Variants in PACS2 observed in about 807,000 individuals in gnomAD.
The protein encoded by PACS2 is phosphofurin acidic cluster sorting protein 2, also known as PACS1-like protein.
A neutral mutation model predicts 113.0 loss-of-function variants in PACS2; 36 were observed. The observed-to-expected ratio is 0.32, with a 90% CI of 0.24 to 0.42. PACS2 has a LOEUF of 0.42. Ranked by LOEUF, PACS2 falls within the 10% of genes least tolerant of loss-of-function variation. The pLI, the probability that PACS2 is intolerant of heterozygous loss-of-function variation, is 1.00. For synonymous variants in PACS2, 589 were observed against 536.1 expected, an observed-to-expected ratio of 1.10 and a Z score of -1.36; for missense variants, 1,015 against 1,239.5, an observed-to-expected ratio of 0.82 and a Z score of 2.72.
intron 1 of PACS2, among the ~76,000 whole-genome samples, chr14:105,336,979 G>C (rs1286870684): frequency 6.6e-6 from 1 of 152,216 alleles, no homozygotes; most frequent in African/African-American, 2.4e-5. Flanking sequence ...GATGGACGCA[G>C]CCTGTATCCA....
chr14:105,368,349 A>G, intron 6 of PACS2, 110 bp from the exon 7 acceptor site: 2 of 909,776 alleles, frequency 2.2e-6, no homozygotes, highest in East Asian at 4.8e-5. Context: ...CTTGGGACAC[A>G]GGTGGGCTCT....
intron 1 of PACS2, among the ~76,000 whole-genome samples, chr14:105,306,993 A>G (rs2058207071): frequency 6.6e-6 from 1 of 151,900 alleles, no homozygotes; most frequent in Non-Finnish European, 1.5e-5. Flanking sequence ...GCTAATTCCT[A>G]GAGACAGCTG....
intron 1 of PACS2, among the ~76,000 whole-genome samples, chr14:105,337,264 G>A: frequency 6.6e-6 from 1 of 152,210 alleles, no homozygotes; most frequent in East Asian, 1.9e-4. Flanking sequence ...GTGCAGCCTG[G>A]TGATGCCAGG....
chr14:105,338,399 G>A (rs914592774), intron 1 of PACS2, among the ~76,000 whole-genome samples: 2 of 152,178 alleles, frequency 1.3e-5, no homozygotes, highest in East Asian at 1.9e-4. Context: ...AGTCCCTGCC[G>A]AGGGGGGCGG....
In PACS2 at chr14:105,356,419, A is replaced by G. The variant is rs2060449745; in HGVS notation, c.423+1242A>G. On this transcript the variant is annotated intron_variant, in intron 4 of 24. Coordinates refer to ENST00000447393, the MANE Select transcript of PACS2 (RefSeq NM_001100913.3). This position sits in a 1 kb window ranked among gnomAD's most constrained non-coding sequence, Gnocchi z 4.0. ...GTCTTCCCGATTCCTTCGGCAAACC[A>G]CGGACAGCACGGGTGGACCGGGCCT... Among the ~76,000 whole-genome samples, 1 of 152,064 alleles carries G rather than the reference A, an allele frequency of 6.6e-6. No homozygotes were observed. Among genetic ancestry groups the G allele is most frequent in the South Asian group, 2.1e-4 (1 of 4,826 alleles).
chr14:105,384,164 T>A (rs2081090713), intron 16 of PACS2, 189 bp from the exon 17 acceptor site: 1 of 569,960 alleles, frequency 1.8e-6, no homozygotes, highest in African/African-American at 1.9e-5. Flanking sequence ...CTGGAGCTCC[T>A]TCAGCGGGGC....
In PACS2 at chr14:105,352,439, C is replaced by G. The variant is rs949391349; in HGVS notation, c.269C>G (p.Thr90Arg). ...IVLPPSGQVE[T>R]DLALTFSLQY... The stretch of plus-strand genomic sequence containing the variant: ...CTGCCCCCCAGTGGACAAGTGGAGA[C>G]AGACCTGGCCCTGACCTTCTCCTTG... The change falls in exon 3 of 25, where the codon ACA becomes AGA. Residue 90 changes from threonine to arginine, a missense_variant. By Grantham distance (71) the Thr-to-Arg change is moderately conservative (BLOSUM62 -1). Around this residue, in one of 3 missense-constraint regions of PACS2, gnomAD observed 140 missense variants for 135.1 expected, o/e 1.04. Transcript: ENST00000447393. 7 of 1,611,114 alleles carry G rather than the reference C, an allele frequency of 4.3e-6. No homozygotes were observed. Among genetic ancestry groups the G allele is most frequent in the Non-Finnish European group, 5.9e-6 (7 of 1,177,602 alleles).
chr14:105,316,786 T>TG (rs994803615), intron 1 of PACS2, among the ~76,000 whole-genome samples: 71 of 136,346 alleles, frequency 5.2e-4, no homozygotes, highest in East Asian at 8.6e-4. Context: ...CACTAAGTGC[T>TG]GGGGGGGGTC....
chr14:105,356,135 TG>T lies in PACS2; in HGVS notation c.423+963del, dbSNP rs1416921788. 6.6e-6 allele frequency among the ~76,000 whole-genome samples: 1 copy of T among 151,990 alleles called. No homozygotes were observed. The highest frequency in any genetic ancestry group is 1.5e-5 in the Non-Finnish European group (1 of 67,954). ...CTCCTGGGGCTTGGGGCTGGGACAGTGGGGGTGCCCACTTGTAGCTGGTTCC... is the reference window on the plus strand; with the variant it reads ...CTCCTGGGGCTTGGGGCTGGGACAGTGGGGTGCCCACTTGTAGCTGGTTCC... On this transcript the variant is annotated intron_variant, in intron 4 of 24. Coordinates refer to ENST00000447393, the MANE Select transcript of PACS2 (RefSeq NM_001100913.3). The surrounding 1 kb of genome is among the most constrained non-coding windows in gnomAD (Gnocchi z 4.0).
At chr14:105,364,194 A>G (rs1481595365) in intron 4 of PACS2, among the ~76,000 whole-genome samples, 1 of 152,232 alleles carries the variant, frequency 6.6e-6, no homozygotes, top group Non-Finnish European at 1.5e-5. Flanking sequence ...TGCTTGATGC[A>G]GGGTTGCCAA....
intron 1 of PACS2, among the ~76,000 whole-genome samples, chr14:105,342,748 A>T (rs1175864976): frequency 6.6e-6 from 1 of 151,740 alleles, no homozygotes; most frequent in African/African-American, 2.4e-5. Context: ...AGCCTGGCCG[A>T]TATGGTGAAA....
intron 8 of PACS2, chr14:105,371,169 T>C (rs1555409325): frequency 6.6e-6 from 1 of 152,274 alleles, no homozygotes. Context: ...GCTCCGCCAC[T>C]GGGATGGTCA....
chr14:105,303,753 A>G (rs587703091), intron 1 of PACS2, among the ~76,000 whole-genome samples: 1 of 152,184 alleles, frequency 6.6e-6, no homozygotes, highest in South Asian at 2.1e-4. Flanking sequence ...TAGGAAGTGT[A>G]TTGTTTTGTT....
At position 105,381,939 on chromosome 14, in the gene PACS2, C is replaced by T. The variant is rs782447902; in HGVS notation, c.1294C>T (p.Arg432Trp). Residue 432 changes from arginine (R) to tryptophan (W), a missense_variant, in exon 13 of 25, where the codon CGG becomes TGG. Arg to Trp is a moderately radical substitution (Grantham distance 101). Around this residue, in one of 3 missense-constraint regions of PACS2, gnomAD observed 859 missense variants for 1,056.8 expected, o/e 0.81. Coordinates refer to ENST00000447393, the MANE Select transcript of PACS2 (RefSeq NM_001100913.3). ...TRSEGKQAGR[R>W]GRSTSLKERQ... ...GTCCGAGGGGAAGCAGGCTGGCCGA[C>T]GGGGCCGGAGCACATCCTTGAAGGA... is the stretch of plus-strand genomic sequence containing the variant. The T allele has an allele frequency of 1.2e-5, 19 of 1,550,706 alleles. No individual in the cohort carries two copies. The highest frequency in any genetic ancestry group is 2.4e-5 in the South Asian group (2 of 84,030).
Position 105,358,728 on chromosome 14 carries a change from G to T in PACS2, c.423+3551G>T, listed in dbSNP as rs1555405791. On this transcript the variant is annotated intron_variant, in intron 4 of 24. Coordinates refer to ENST00000447393, the MANE Select transcript of PACS2 (RefSeq NM_001100913.3). The surrounding 1 kb of genome is among the most constrained non-coding windows in gnomAD (Gnocchi z 4.9). ...TCCTCTTGTGGCCTCGCCACAAGCT[G>T]CACATGCCACTGGGGCCAGGTCCAG... is the stretch of plus-strand genomic sequence containing the variant. 6.6e-6 allele frequency among the ~76,000 whole-genome samples: 1 copy of T among 152,212 alleles called. No individual in the cohort carries two copies. The highest frequency in any genetic ancestry group is 2.4e-5 in the African/African-American group (1 of 41,464).
chr14:105,369,006 T>C (rs951460670), intron 7 of PACS2, among the ~76,000 whole-genome samples: 1 of 152,218 alleles, frequency 6.6e-6, no homozygotes, highest in Admixed American at 6.5e-5. Flanking sequence ...AGAGGCCGTG[T>C]CCGGCACTGG....
At chr14:105,383,106 G>T (rs2081050143) in intron 15 of PACS2, 193 bp downstream of exon 15, 2 of 623,464 alleles carry the variant, frequency 3.2e-6, no homozygotes, top group Non-Finnish European at 5.7e-6. Context: ...AGCCTGGTGG[G>T]TGTCCTGCCA....
In PACS2 at chr14:105,383,498, C is replaced by T. The variant is rs1489905667; in HGVS notation, c.1765C>T (p.Leu589=). Residue 589 remains leucine, a synonymous_variant, in exon 16 of 25, where the codon CTG becomes TTG. Coordinates refer to ENST00000447393, the MANE Select transcript of PACS2 (RefSeq NM_001100913.3). ...TPDWLGYMRF[L]VIPLGSHPVA... ...CGACTGGCTCGGCTACATGCGCTTC[C>T]TGGTCATCCCACTGGGTGAGCACCA... 2 of 1,597,646 alleles carry T rather than the reference C, an allele frequency of 1.3e-6. No individual in the cohort carries two copies. The highest frequency in any genetic ancestry group is 4.5e-5 in the East Asian group (2 of 44,656).
At chr14:105,386,452 C>T (rs1022806742) in intron 19 of PACS2, among the ~76,000 whole-genome samples, 9 of 152,180 alleles carry the variant, frequency 5.9e-5, no homozygotes, top group South Asian at 2.1e-4. Context: ...GTTTTCATTC[C>T]GAGGCAGCTC....
Sources: allele counts gnomAD v4.1 joint callset (sites outside exome capture counted in the v4.1 genomes callset), GRCh38; gene constraint gnomAD v4.1.1; regional missense constraint gnomAD v4.1.1; non-coding constraint Gnocchi (gnomAD v3.1); transcripts MANE v1.5; gene names NCBI Gene and HGNC (gene_info 2026-07-23, HGNC 2026-07-21).